The following SCARF1 variants were observed in gnomAD, a reference collection of about 807,000 sequenced individuals.
The protein encoded by SCARF1 is scavenger receptor class F member 1, also known as acetyl LDL receptor.
SCARF1 carries 49 observed loss-of-function variants against 76.3 expected under a neutral mutation model. That is an observed-to-expected ratio of 0.64 (90% confidence interval 0.51 to 0.81). The LOEUF (loss-of-function observed/expected upper bound fraction) is 0.81. Ranked by LOEUF, SCARF1 falls within the 40% of genes least tolerant of loss-of-function variation. The pLI is 0.00. For synonymous variants in SCARF1, 495 were observed against 474.6 expected, an observed-to-expected ratio of 1.04 and a Z score of -0.56; for missense variants, 1,098 against 1,143.9, an observed-to-expected ratio of 0.96 and a Z score of 0.58.
Position 1,643,461 on chromosome 17 carries a change from C to T in SCARF1, c.772G>A (p.Gly258Arg). 2 of 1,294,032 alleles carry T rather than the reference C, an allele frequency of 1.5e-6. No homozygotes were observed. Among genetic ancestry groups the T allele is most frequent in the South Asian group, 2.3e-5 (1 of 42,718 alleles). The allele number at this position is 1,294,032 out of a possible 1,614,324, so 80.2% of individuals were successfully genotyped here. The stretch of plus-strand genomic sequence containing the variant: ...GCTCACCTGTGTGCGCACTGCACCC[C>T]GTGGCTGCCTGCCGGGCAGGGCAGC... ...CELPCPAGSH[G>R]VQCAHSCGRC... The change falls in exon 4 of 11, where the codon GGG becomes AGG. Residue 258 changes from glycine to arginine, a missense_variant. Transcript: ENST00000263071.
chr17:1,640,771 G>A lies in SCARF1; in HGVS notation c.792-105C>T. The A allele has an allele frequency of 9.3e-7, 1 of 1,072,968 alleles. No individual in the cohort carries two copies. Among genetic ancestry groups the A allele is most frequent in the Non-Finnish European group, 1.4e-6 (1 of 724,894 alleles). The allele number at this position is 1,072,968 out of a possible 1,614,324, so 66.5% of individuals were successfully genotyped here. On this transcript the variant is annotated intron_variant, in intron 4 of 10. Coordinates refer to ENST00000263071, the MANE Select transcript of SCARF1 (RefSeq NM_003693.4). The surrounding 1 kb of genome is among the most constrained non-coding windows in gnomAD (Gnocchi z 4.7). ...CAGGCCTTCGGGGGCCCTGGAGAGT[G>A]TTCGGGTCCCACCTGGGTCAGGCAG...
Position 1,638,817 on chromosome 17 carries a change from G to A in SCARF1, c.1353C>T (p.Asp451=). The stretch of plus-strand genomic sequence containing the variant: ...GGGCTGGCGTTCACCTGTCCTTGAG[G>A]TCTGATCGGGGGGCCCAGCAGCAGC... ...CACCCWAPRS[D]LKDRPARDGA... is the part of the protein sequence containing the mutation. The change falls in exon 8 of 11, where the codon GAC becomes GAT. Residue 451 remains aspartate, a synonymous_variant. Transcript: ENST00000263071. 1 of 1,608,950 alleles carries A rather than the reference G, an allele frequency of 6.2e-7. No homozygotes were observed. Among genetic ancestry groups the A allele is most frequent in the Non-Finnish European group, 8.5e-7 (1 of 1,177,230 alleles).
chr17:1,635,068 A>T lies in SCARF1; in HGVS notation c.2183T>A (p.Ile728Asn), dbSNP rs1348928996. 6.2e-7 allele frequency: 1 copy of T among 1,613,820 alleles called. No homozygotes were observed. Among genetic ancestry groups the T allele is most frequent in the African/African-American group, 1.3e-5 (1 of 74,942 alleles). ...GQAEAKVKRAIPKPPRQALNR... is the reference protein window; with the variant it reads ...GQAEAKVKRANPKPPRQALNR... Reference sequence around the variant, plus strand: ...CAGGGCCTGGCGCGGAGGCTTAGGGATGGCCCTCTTGACCTTGGCTTCCGC... The same window carrying T: ...CAGGGCCTGGCGCGGAGGCTTAGGGTTGGCCCTCTTGACCTTGGCTTCCGC... Residue 728 changes from isoleucine (I) to asparagine (N), a missense_variant, in exon 11 of 11, where the codon ATC (isoleucine) becomes AAC (asparagine). By Grantham distance (149) the Ile-to-Asn change is moderately radical (BLOSUM62 -3). Coordinates refer to ENST00000263071, the MANE Select transcript of SCARF1 (RefSeq NM_003693.4).
rs569604955 is a variant in SCARF1, at chr17:1,644,515, A to G, written c.265+319T>C. 3.3e-5 allele frequency: 14 copies of G among 430,652 alleles called. No individual in the cohort carries two copies. In the East Asian group the frequency reaches 5.2e-4, roughly 16 times the overall value. The allele number at this position is 430,652 out of a possible 1,614,324, so 26.7% of individuals were successfully genotyped here. ...AGGGGCCCCCTTCCATCCACTGCCCATGTATAAGGTATATGTGGGAAAGGC... is the reference window on the plus strand; with the variant it reads ...AGGGGCCCCCTTCCATCCACTGCCCGTGTATAAGGTATATGTGGGAAAGGC... On this transcript the variant is annotated intron_variant, in intron 3 of 10. Coordinates refer to ENST00000263071, the MANE Select transcript of SCARF1 (RefSeq NM_003693.4). The surrounding 1 kb of genome is among the most constrained non-coding windows in gnomAD (Gnocchi z 4.8).
chr17:1,641,990 G>A (rs1484142868), intron 4 of SCARF1, among the ~76,000 whole-genome samples: 4 of 152,028 alleles, frequency 2.6e-5, no homozygotes, highest in Non-Finnish European at 5.9e-5. Flanking sequence ...TCAAAGTGCT[G>A]GGATTACAGG....
rs748578343 is a variant in SCARF1, at chr17:1,645,675, G to GCA, written c.22_23insTG (p.Pro8LeufsTer64). On this transcript the variant is annotated frameshift_variant, in exon 1 of 11. Transcript: ENST00000263071. LOFTEE classifies it high-confidence loss of function. The surrounding 1 kb of genome is among the most constrained non-coding windows in gnomAD (Gnocchi z 6.3). ...CCCCCGAGTCCAGAGCAGCAGCAGC[G>GCA]GGAGCAGCAGCCCCAGCCCCATGGC... 4 of 1,602,506 alleles carry GCA rather than the reference G, an allele frequency of 2.5e-6. No homozygotes were observed. Among genetic ancestry groups the GCA allele is most frequent in the African/African-American group, 1.4e-5 (1 of 74,024 alleles).
Position 1,643,539 on chromosome 17 carries a change from C to T in SCARF1, c.694G>A (p.Ala232Thr). The T allele has an allele frequency of 1.4e-6, 2 of 1,420,150 alleles. No homozygotes were observed. The highest frequency in any genetic ancestry group is 1.4e-5 in the South Asian group (1 of 70,036). The allele number at this position is 1,420,150 out of a possible 1,614,324, so 88.0% of individuals were successfully genotyped here. Residue 232 changes from alanine to threonine, a missense_variant, in exon 4 of 11, where the codon GCC becomes ACC. Physicochemically the swap from Ala to Thr is moderately conservative, Grantham distance 58. Coordinates refer to ENST00000263071, the MANE Select transcript of SCARF1 (RefSeq NM_003693.4). ...GGGCAGGTGCACTCGCCGGAGGCGGCGCTGCAGCGGCCCCGCACACACTCG... is the reference window on the plus strand; with the variant it reads ...GGGCAGGTGCACTCGCCGGAGGCGGTGCTGCAGCGGCCCCGCACACACTCG... ...QCECVRGRCS[A>T]ASGECTCPPG...
chr17:1,645,492 G>A lies in SCARF1; in HGVS notation c.101+105C>T. 1.3e-6 allele frequency: 2 copies of A among 1,532,934 alleles called. No homozygotes were observed. Among genetic ancestry groups the A allele is most frequent in the Non-Finnish European group, 1.7e-6 (2 of 1,146,402 alleles). The allele number at this position is 1,532,934 out of a possible 1,614,324, so 95.0% of individuals were successfully genotyped here. On this transcript the variant is annotated intron_variant, in intron 1 of 10. Transcript: ENST00000263071. The surrounding 1 kb of genome is among the most constrained non-coding windows in gnomAD (Gnocchi z 6.3). ...CCTTTCAGCCTAAGCCCCCTTCCTAGTCTCCTCCTTCCCCTAACGGCCTCA... is the reference window on the plus strand; with the variant it reads ...CCTTTCAGCCTAAGCCCCCTTCCTAATCTCCTCCTTCCCCTAACGGCCTCA...
rs763336921 is a variant in SCARF1, at chr17:1,636,930, C to A, written c.1486+11G>T. ...TCCAATCCCAGACCCCGGCCCCCAG[C>A]GCCCACTGACCTGTCACCCAGGGTA... On this transcript the variant is annotated intron_variant, in intron 9 of 10. Coordinates refer to ENST00000263071, the MANE Select transcript of SCARF1 (RefSeq NM_003693.4). 1 of 1,614,094 alleles carries A rather than the reference C, an allele frequency of 6.2e-7. No homozygotes were observed. The highest frequency in any genetic ancestry group is 2.2e-5 in the East Asian group (1 of 44,882).
At position 1,640,716 on chromosome 17, in the gene SCARF1, G is replaced by T; in HGVS notation, c.792-50C>A. 6.6e-7 allele frequency: 1 copy of T among 1,515,034 alleles called. No homozygotes were observed. Among genetic ancestry groups the T allele is most frequent in the Non-Finnish European group, 9.1e-7 (1 of 1,103,542 alleles). 93.8% of individuals were successfully genotyped at this position (1,515,034 alleles called of 1,614,324 possible). On this transcript the variant is annotated intron_variant, in intron 4 of 10. Coordinates refer to ENST00000263071, the MANE Select transcript of SCARF1 (RefSeq NM_003693.4). This position sits in a 1 kb window ranked among gnomAD's most constrained non-coding sequence, Gnocchi z 4.7. ...AACAGTGGGGGTGGATGGATGGAGCGCCCACCCCCTCCTACCCCTGTACTC... is the reference window on the plus strand; with the variant it reads ...AACAGTGGGGGTGGATGGATGGAGCTCCCACCCCCTCCTACCCCTGTACTC...
chr17:1,639,928 C>T lies in SCARF1; in HGVS notation c.1123G>A (p.Gly375Ser), dbSNP rs148329015. 1.2e-4 allele frequency: 191 copies of T among 1,613,600 alleles called. No homozygotes were observed. Among genetic ancestry groups the T allele is most frequent in the Non-Finnish European group, 1.4e-4 (163 of 1,179,828 alleles). Residue 375 changes from glycine to serine, a missense_variant, in exon 6 of 11, where the codon GGC becomes AGC. By Grantham distance (56) the Gly-to-Ser change is moderately conservative. Transcript: ENST00000263071. ...TVTGDCVCSA[G>S]YWGPSCNASC... is the part of the protein sequence containing the mutation. ...CATCCTTACCTGGGCCCCCAGTAGC[C>T]GGCACTGCAGACACAGTCCCCTGTC...
In SCARF1 at chr17:1,643,934, C is replaced by T. The variant is rs1242544584; in HGVS notation, c.299G>A (p.Arg100His). ...CPGQYWGPDC[R>H]ESCPCHPHGQ... ...GTGCGGGTGGCAGGGGCAGCTCTCA[C>T]GGCAGTCGGGGCCCCAGTACTGGCC... is the stretch of plus-strand genomic sequence containing the variant. The change falls in exon 4 of 11, where the codon CGT (arginine) becomes CAT (histidine). Residue 100 changes from arginine to histidine, a missense_variant. Arg to His is a conservative substitution (Grantham distance 29, BLOSUM62 0). Transcript: ENST00000263071. The T allele has an allele frequency of 2.2e-6, 3 of 1,351,538 alleles. No homozygotes were observed. Among genetic ancestry groups the T allele is most frequent in the East Asian group, 3.1e-5 (1 of 32,644 alleles). The allele number at this position is 1,351,538 out of a possible 1,614,324, so 83.7% of individuals were successfully genotyped here.
intron 4 of SCARF1, among the ~76,000 whole-genome samples, chr17:1,641,189 G>A (rs1910024938): frequency 6.6e-6 from 1 of 152,236 alleles, no homozygotes; most frequent in African/African-American, 2.4e-5. Context: ...CGACAGCGTA[G>A]AGATGACCAG....
Position 1,643,951 on chromosome 17 carries a change from G to A in SCARF1, c.282C>T (p.Tyr94=). Residue 94 remains tyrosine (Y), a synonymous_variant, in exon 4 of 11, where the codon TAC becomes TAT. Transcript: ENST00000263071. ...AGCTCTCACGGCAGTCGGGGCCCCA[G>A]TACTGGCCCGGGCAGCCTGCGGGGG... ...AHCSSRCPGQ[Y]WGPDCRESCP... is the part of the protein sequence containing the mutation. 2 of 1,344,536 alleles carry A rather than the reference G, an allele frequency of 1.5e-6. No individual in the cohort carries two copies. Among genetic ancestry groups the A allele is most frequent in the Non-Finnish European group, 9.5e-7 (1 of 1,050,894 alleles). 83.3% of individuals were successfully genotyped at this position (1,344,536 alleles called of 1,614,324 possible). A position where few individuals can be genotyped will look rare whatever the true frequency, so the allele number is the denominator to read the frequency against.
rs201227618 is a variant in SCARF1 at position 1,636,766 on chromosome 17, C to T, written c.1576G>A (p.Asp526Asn). Residue 526 changes from aspartate to asparagine, a missense_variant, in exon 10 of 11, where the codon GAT becomes AAT. Coordinates refer to ENST00000263071, the MANE Select transcript of SCARF1 (RefSeq NM_003693.4). Reference sequence around the variant, plus strand: ...TCATCTGCCTCTCCAGACTCAGGATCGGATGAGAAGGAGTCATCAGTGGCC... The same window carrying T: ...TCATCTGCCTCTCCAGACTCAGGATTGGATGAGAAGGAGTCATCAGTGGCC... ...GWATDDSFSS[D>N]PESGEADEVP... The T allele has an allele frequency of 6.0e-4, 973 of 1,614,012 alleles. 15 individuals are homozygous for T. The South Asian group carries it at 0.01, about 17-fold the overall frequency.
Position 1,635,287 on chromosome 17 carries a change from T to A in SCARF1, c.1964A>T (p.Asp655Val). The A allele has an allele frequency of 6.2e-7, 1 of 1,612,156 alleles. No individual in the cohort carries two copies. The highest frequency in any genetic ancestry group is 8.5e-7 in the Non-Finnish European group (1 of 1,179,266). Residue 655 changes from aspartate (D) to valine (V), a missense_variant, in exon 11 of 11, where the codon GAT becomes GTT. Physicochemically the swap from Asp to Val is radical, Grantham distance 152 (BLOSUM62 -3). Transcript: ENST00000263071. ...ESFPAAASPG[D>V]SATGHRRPPL... The stretch of plus-strand genomic sequence containing the variant: ...GGGCCGCCGGTGGCCAGTGGCTGAA[T>A]CCCCGGGACTGGCAGCCGCCGGAAA...
rs931729410 is a variant in SCARF1, at chr17:1,644,931, G to A, written c.168C>T (p.Ile56=). ...RQKDQECTIP[I]CEGPDACQKD... Reference sequence around the variant, plus strand: ...TCTGGCAGGCGTCCGGCCCCTCACAGATGGCTGAAAGACACCCCACCCAGG... The same window carrying A: ...TCTGGCAGGCGTCCGGCCCCTCACAAATGGCTGAAAGACACCCCACCCAGG... The change falls in exon 3 of 11, where the codon ATC becomes ATT. Residue 56 remains isoleucine (I), a synonymous_variant. Coordinates refer to ENST00000263071, the MANE Select transcript of SCARF1 (RefSeq NM_003693.4). This position sits in a 1 kb window ranked among gnomAD's most constrained non-coding sequence, Gnocchi z 4.8. 21 of 1,612,778 alleles carry A rather than the reference G, an allele frequency of 1.3e-5. No individual in the cohort carries two copies. Among genetic ancestry groups the A allele is most frequent in the Non-Finnish European group, 1.8e-5 (21 of 1,179,786 alleles).
rs1023743115 is a variant in SCARF1 at position 1,644,765 on chromosome 17, G to A, written c.265+69C>T. The stretch of plus-strand genomic sequence containing the variant: ...CTGAGGCTGCATGGCTACCTGCCTC[G>A]CCTGCTCCCACACCACTGCCCCCGT... On this transcript the variant is annotated intron_variant, in intron 3 of 10. Transcript: ENST00000263071. The surrounding 1 kb of genome is among the most constrained non-coding windows in gnomAD (Gnocchi z 4.8). 1.7e-5 allele frequency: 24 copies of A among 1,448,960 alleles called. No homozygotes were observed. Among genetic ancestry groups the A allele is most frequent in the Middle Eastern group, 1.7e-4 (1 of 5,794 alleles). 89.8% of individuals were successfully genotyped at this position (1,448,960 alleles called of 1,614,324 possible).
At chr17:1,636,153 G>C (rs1909541535) in intron 10 of SCARF1, among the ~76,000 whole-genome samples, 1 of 152,080 alleles carries the variant, frequency 6.6e-6, no homozygotes, top group East Asian at 1.9e-4. Flanking sequence ...CCTGACCCCA[G>C]TCACCCCAAC....
Sources: allele counts gnomAD v4.1 joint callset (sites outside exome capture counted in the v4.1 genomes callset), GRCh38; gene constraint gnomAD v4.1.1; non-coding constraint Gnocchi (gnomAD v3.1); transcripts MANE v1.5; gene names NCBI Gene and HGNC (gene_info 2026-07-23, HGNC 2026-07-21).